NELL1: variants seen among roughly 807,000 people sequenced by gnomAD.
The protein encoded by NELL1 is protein kinase C-binding protein NELL1.
A neutral mutation model predicts 107.4 loss-of-function variants in NELL1; 76 were observed. The ratio of observed to expected loss-of-function variants is 0.71; its 90% CI spans 0.59 to 0.86. The LOEUF is 0.86. NELL1 is among the 40% of genes least tolerant of loss of function. NELL1 has a pLI of 0.00. For synonymous variants in NELL1, 353 were observed against 341.2 expected (o/e 1.03, Z -0.38); for missense variants, 1,024 against 1,005.5 (o/e 1.02, Z -0.25).
chr11:21,443,623 C>T (rs1853347295), intron 15 of NELL1, among the ~76,000 whole-genome samples: 1 of 151,308 alleles, frequency 6.6e-6, no homozygotes. Context: ...CTGTTGGGCT[C>T]ATGCCTGTAA....
chr11:20,772,361 A>C (rs755590210), intron 2 of NELL1, among the ~76,000 whole-genome samples: 12 of 152,196 alleles, frequency 7.9e-5, no homozygotes, highest in African/African-American at 2.4e-5. Flanking sequence ...TTGGAGTCAG[A>C]GACACATCTC....
At chr11:21,436,089 ACT>A (rs1853112022) in intron 15 of NELL1, among the ~76,000 whole-genome samples, 1 of 151,612 alleles carries the variant, frequency 6.6e-6, no homozygotes, top group Non-Finnish European at 1.5e-5. Flanking sequence ...ACGGAGTCTC[ACT>A]CTGTTGCCAG....
chr11:21,445,376 G>A (rs902920960), intron 15 of NELL1, among the ~76,000 whole-genome samples: 1 of 73,856 alleles, frequency 1.4e-5, no homozygotes, highest in African/African-American at 3.0e-5. Context: ...GCCCAGGCTG[G>A]AGTGCAATAG....
chr11:21,274,693 A>C (rs1848815999), intron 14 of NELL1, among the ~76,000 whole-genome samples: 1 of 152,204 alleles, frequency 6.6e-6, no homozygotes, highest in Non-Finnish European at 1.5e-5. Context: ...AATTATAACA[A>C]ACTGTCTCTC....
At chr11:21,048,120 TAGGAAAC>T (rs1565032298) in intron 12 of NELL1, among the ~76,000 whole-genome samples, 1 of 141,854 alleles carries the variant, frequency 7.0e-6, no homozygotes. Flanking sequence ...TATGACTTAT[TAGGAAAC>T]ATCCATTTTT....
chr11:20,706,576 T>C (rs1854964145), intron 2 of NELL1, among the ~76,000 whole-genome samples: 1 of 151,218 alleles, frequency 6.6e-6, no homozygotes, highest in African/African-American at 2.4e-5. Flanking sequence ...TGCTAAATGA[T>C]GAGTTAGTGG....
At chr11:20,821,853 G>C (rs997747539) in intron 3 of NELL1, among the ~76,000 whole-genome samples, 3 of 152,172 alleles carry the variant, frequency 2.0e-5, no homozygotes, top group African/African-American at 7.2e-5. Context: ...ATGTTACTGG[G>C]GAGCACTTGC....
At chr11:21,553,409 T>A (rs1856637087) in intron 16 of NELL1, among the ~76,000 whole-genome samples, 1 of 151,858 alleles carries the variant, frequency 6.6e-6, no homozygotes, top group Non-Finnish European at 1.5e-5. Flanking sequence ...CCAAGAGAAC[T>A]GTTTAATTCT....
intron 10 of NELL1, among the ~76,000 whole-genome samples, chr11:20,946,067 T>A (rs989785154): frequency 6.6e-6 from 1 of 152,186 alleles, no homozygotes; most frequent in Non-Finnish European, 1.5e-5. Flanking sequence ...AGTTGGAAAT[T>A]TATATTTGAC....
At chr11:20,915,181 A>C (rs768876317) in intron 5 of NELL1, among the ~76,000 whole-genome samples, 5 of 151,970 alleles carry the variant, frequency 3.3e-5, no homozygotes, top group Non-Finnish European at 5.9e-5. Context: ...AATCAGTAAG[A>C]TTTTACTCTA....
Position 20,945,629 on chromosome 11 carries a change from G to A in NELL1, c.1072-1707G>A, listed in dbSNP as rs747661714. On this transcript the variant is annotated intron_variant, in intron 10 of 19. Coordinates refer to ENST00000357134, the MANE Select transcript of NELL1 (RefSeq NM_006157.5). Reference sequence around the variant, plus strand: ...AAGGATAGACTTAGAGGCAATAATGGTAAGTAATTCAGCATTGTGATTTCC... The same window carrying A: ...AAGGATAGACTTAGAGGCAATAATGATAAGTAATTCAGCATTGTGATTTCC... Among the ~76,000 whole-genome samples, 74 of 152,328 alleles carry A rather than the reference G, an allele frequency of 4.9e-4. 2 individuals carry two copies. Among genetic ancestry groups the A allele is most frequent in the Non-Finnish European group, 1.2e-4 (8 of 68,032 alleles).
At position 20,947,352 on chromosome 11, in the gene NELL1, A is replaced by G; in HGVS notation, c.1088A>G (p.Lys363Arg). The change falls in exon 11 of 20, where the codon AAA becomes AGA. Residue 363 changes from lysine to arginine, a missense_variant. Coordinates refer to ENST00000357134, the MANE Select transcript of NELL1 (RefSeq NM_006157.5). ...CRECRGGVLV[K>R]ITEMCPPLNC... ...GGCTTCCAGGGTGGAGTTTTAGTAA[A>G]AATTACAGAAATGTGTCCTCCTTTG... 6.2e-7 allele frequency: 1 copy of G among 1,613,904 alleles called. No individual in the cohort carries two copies. The highest frequency in any genetic ancestry group is 8.5e-7 in the Non-Finnish European group (1 of 1,179,848).
chr11:21,171,731 A>C (rs1856610998), intron 13 of NELL1, among the ~76,000 whole-genome samples: 1 of 151,836 alleles, frequency 6.6e-6, no homozygotes, highest in African/African-American at 2.4e-5. Flanking sequence ...CTTAGGGTCC[A>C]GAATGGAAAT....
chr11:20,826,520 A>G (rs1445600885), intron 3 of NELL1, among the ~76,000 whole-genome samples: 1 of 151,276 alleles, frequency 6.6e-6, no homozygotes, highest in Non-Finnish European at 1.5e-5. Context: ...GAGAGTGCAC[A>G]CCAGGGGACA....
chr11:21,308,423 A>G (rs1849655799), intron 14 of NELL1, among the ~76,000 whole-genome samples: 1 of 152,058 alleles, frequency 6.6e-6, no homozygotes, highest in Non-Finnish European at 1.5e-5. Flanking sequence ...TCTGGACTGT[A>G]AGACTCTGCA....
At chr11:20,835,399 A>G (rs1848515706) in intron 3 of NELL1, among the ~76,000 whole-genome samples, 1 of 152,226 alleles carries the variant, frequency 6.6e-6, no homozygotes, top group African/African-American at 2.4e-5. Flanking sequence ...CACAGTATGT[A>G]AGCCTGGCTT....
At chr11:20,754,011 A>T (rs1235588264) in intron 2 of NELL1, among the ~76,000 whole-genome samples, 1 of 152,202 alleles carries the variant, frequency 6.6e-6, no homozygotes, top group Non-Finnish European at 1.5e-5. Context: ...TGTGGTCAAG[A>T]GGATGGACGG....
At chr11:21,152,653 T>G (rs568121096) in intron 13 of NELL1, among the ~76,000 whole-genome samples, 3 of 152,304 alleles carry the variant, frequency 2.0e-5, no homozygotes, top group East Asian at 3.9e-4. Context: ...CTCTTGTCTC[T>G]GCAATTGACA....
intron 13 of NELL1, among the ~76,000 whole-genome samples, chr11:21,127,852 G>C (rs1317961779): frequency 2.0e-5 from 3 of 152,032 alleles, no homozygotes; most frequent in Non-Finnish European, 2.9e-5. Flanking sequence ...CTTGTTTATG[G>C]TTAAAAATAT....
Sources: allele counts gnomAD v4.1 joint callset (sites outside exome capture counted in the v4.1 genomes callset), GRCh38; gene constraint gnomAD v4.1.1; transcripts MANE v1.5; gene names NCBI Gene and HGNC (gene_info 2026-07-23, HGNC 2026-07-21).